Variants in FBXO31 observed in about 807,000 individuals in gnomAD.
FBXO31 encodes F-box only protein 31.
In FBXO31, 24 loss-of-function variants were observed where a neutral mutation model predicts 54.4. The observed-to-expected ratio is 0.44, with a 90% confidence interval of 0.32 to 0.62. The LOEUF (loss-of-function observed/expected upper bound fraction) is 0.62. Among genes scored for constraint, FBXO31 ranks in the 20% least tolerant of loss-of-function variants. The pLI, the probability that FBXO31 is intolerant of heterozygous loss-of-function variation, is 0.05. For synonymous variants in FBXO31, 388 were observed against 335.6 expected, an observed-to-expected ratio of 1.16 and a Z score of -1.71; for missense variants, 665 against 787.1, an observed-to-expected ratio of 0.84 and a Z score of 1.86.
At chr16:87,368,934 G>A (rs1046188137) in intron 1 of FBXO31, among the ~76,000 whole-genome samples, 1 of 151,930 alleles carries the variant, frequency 6.6e-6, no homozygotes, top group African/African-American at 2.4e-5. Context: ...CAAGTAGCTG[G>A]GATTACACGT....
At chr16:87,378,128 C>T (rs1353215969) in intron 1 of FBXO31, among the ~76,000 whole-genome samples, 2 of 150,704 alleles carry the variant, frequency 1.3e-5, no homozygotes, top group Non-Finnish European at 2.9e-5. Context: ...CATTGCACTA[C>T]AGCCTGGGCA....
rs186631105 is a variant in FBXO31 at position 87,336,839 on chromosome 16, G to A, written c.733-575C>T. On this transcript the variant is annotated intron_variant, in intron 5 of 8. Transcript: ENST00000311635. This position sits in a 1 kb window ranked among gnomAD's most constrained non-coding sequence, Gnocchi z 6.5. ...AAAAACTCCGCAGCCCCACCAGTCC[G>A]CCCTGCATTCTGCCATCACATGGTG... 6.7e-4 allele frequency among the ~76,000 whole-genome samples: 102 copies of A among 152,312 alleles called. No individual in the cohort carries two copies. The highest frequency in any genetic ancestry group is 2.8e-3 in the Admixed American group (43 of 15,306).
At chr16:87,360,245 T>A (rs1421508945) in intron 2 of FBXO31, 50 bp downstream of exon 2, 1 of 1,532,272 alleles carries the variant, frequency 6.5e-7, no homozygotes, top group South Asian at 1.1e-5. Flanking sequence ...GTGCACTGTC[T>A]GCTTCTGGTA....
chr16:87,366,947 G>C (rs1906395028), intron 1 of FBXO31: 1 of 152,278 alleles, frequency 6.6e-6, no homozygotes, highest in Non-Finnish European at 1.5e-5. Context: ...GGAGGCCAAG[G>C]CAGAAGGCTT....
Position 87,383,443 on chromosome 16 carries a change from A to T in FBXO31, c.302T>A (p.Leu101His). The T allele has an allele frequency of 6.4e-7, 1 of 1,572,088 alleles. No homozygotes were observed. The highest frequency in any genetic ancestry group is 8.6e-7 in the Non-Finnish European group (1 of 1,162,146). ...AQVCTKFRRI[L>H]HTDTIWRRRC... ...CCTCCTCCAGATGGTGTCGGTGTGGAGGATGCGCCGGAACTTCGTGCAGAC... is the reference window on the plus strand; with the variant it reads ...CCTCCTCCAGATGGTGTCGGTGTGGTGGATGCGCCGGAACTTCGTGCAGAC... Residue 101 changes from leucine to histidine, a missense_variant, in exon 1 of 9, where the codon CTC becomes CAC. Coordinates refer to ENST00000311635, the MANE Select transcript of FBXO31 (RefSeq NM_024735.5). The surrounding 1 kb of genome is among the most constrained non-coding windows in gnomAD (Gnocchi z 4.9).
At chr16:87,375,199 G>A (rs1906771268) in intron 1 of FBXO31, among the ~76,000 whole-genome samples, 1 of 152,170 alleles carries the variant, frequency 6.6e-6, no homozygotes. Flanking sequence ...CCACCTACTT[G>A]GAGAGGCTGA....
At position 87,336,160 on chromosome 16, in the gene FBXO31, C is replaced by T. The variant is rs771327786; in HGVS notation, c.837G>A (p.Gln279=). Residue 279 remains glutamine (Q), a synonymous_variant, in exon 6 of 9, where the codon CAG becomes CAA. Transcript: ENST00000311635. This position sits in a 1 kb window ranked among gnomAD's most constrained non-coding sequence, Gnocchi z 6.5. ...LILMKFIYTS[Q]YDNCLTYRRI... The stretch of plus-strand genomic sequence containing the variant: ...CGAGCAGGAGCCGCACTCACTCGTA[C>T]TGACTGGTGTAGATGAACTTCATCA... The T allele has an allele frequency of 6.2e-7, 1 of 1,613,844 alleles. No individual in the cohort carries two copies.
At chr16:87,366,456 G>A (rs968893391) in intron 1 of FBXO31, among the ~76,000 whole-genome samples, 7 of 152,152 alleles carry the variant, frequency 4.6e-5, no homozygotes, top group African/African-American at 9.6e-5. Context: ...TGAAGAGAGC[G>A]GGCAAGATCA....
At chr16:87,357,327 CTTTTTT>C (rs34678078) in intron 2 of FBXO31, among the ~76,000 whole-genome samples, 1 of 123,406 alleles carries the variant, frequency 8.1e-6, no homozygotes, top group Non-Finnish European at 1.7e-5. Flanking sequence ...GAATTCGGTT[CTTTTTT>C]TTTTTTTTTT....
chr16:87,360,527 C>T (rs1906087472), intron 1 of FBXO31, 161 bp from the exon 2 acceptor site: 3 of 640,154 alleles, frequency 4.7e-6, no homozygotes, highest in South Asian at 1.8e-5. Flanking sequence ...TCTCCACATT[C>T]AGTAAACACC....
rs546251863 is a variant in FBXO31, at chr16:87,345,791, C to G, written c.489+1383G>C. On this transcript the variant is annotated intron_variant, in intron 3 of 8. Transcript: ENST00000311635. The surrounding 1 kb of genome is among the most constrained non-coding windows in gnomAD (Gnocchi z 4.9). ...AGGCGAGGGGCAGGGCCTTCTCCCC[C>G]CTTCCTGAGGCCACTGACCACTGGC... 7.2e-5 allele frequency among the ~76,000 whole-genome samples: 11 copies of G among 152,328 alleles called. No homozygotes were observed. The highest frequency in any genetic ancestry group is 1.2e-4 in the African/African-American group (5 of 41,566).
In FBXO31 at chr16:87,383,467, A is replaced by G. The variant is rs1457888028; in HGVS notation, c.278T>C (p.Val93Ala). The part of the protein sequence containing the change: ...PGTDLPSLAQ[V>A]CTKFRRILHT... ...GAGGATGCGCCGGAACTTCGTGCAG[A>G]CCTGGGCCAAGCTGGGTAGGTCCGT... The change falls in exon 1 of 9, where the codon GTC becomes GCC. Residue 93 changes from valine (V) to alanine (A), a missense_variant. Val to Ala is a moderately conservative substitution (Grantham distance 64). Coordinates refer to ENST00000311635, the MANE Select transcript of FBXO31 (RefSeq NM_024735.5). The surrounding 1 kb of genome is among the most constrained non-coding windows in gnomAD (Gnocchi z 4.9). 6.3e-7 allele frequency: 1 copy of G among 1,592,372 alleles called. No homozygotes were observed. Among genetic ancestry groups the G allele is most frequent in the Non-Finnish European group, 8.5e-7 (1 of 1,172,764 alleles).
rs1907158452 is a variant in FBXO31 at position 87,383,135 on chromosome 16, C to G, written c.340+270G>C. The stretch of plus-strand genomic sequence containing the variant: ...GCCCCGCGTCAGGGCCTCTTCGATG[C>G]CTCCCTGACGCCCTCAACCCCTCCC... On this transcript the variant is annotated intron_variant, in intron 1 of 8. Coordinates refer to ENST00000311635, the MANE Select transcript of FBXO31 (RefSeq NM_024735.5). This position sits in a 1 kb window ranked among gnomAD's most constrained non-coding sequence, Gnocchi z 4.9. 6.6e-6 allele frequency among the ~76,000 whole-genome samples: 1 copy of G among 152,120 alleles called. No homozygotes were observed. The highest frequency in any genetic ancestry group is 1.5e-5 in the Non-Finnish European group (1 of 67,968).
chr16:87,376,097 C>A (rs1227390468), intron 1 of FBXO31, among the ~76,000 whole-genome samples: 4 of 152,128 alleles, frequency 2.6e-5, no homozygotes, highest in Non-Finnish European at 5.9e-5. Flanking sequence ...CCTCCACTGC[C>A]ACAGCATCCT....
upstream of FBXO31, among the ~76,000 whole-genome samples, chr16:87,387,532 A>C (rs558602001): frequency 1.3e-3 from 203 of 152,084 alleles, 1 homozygote; most frequent in Non-Finnish European, 2.0e-3. Flanking sequence ...TTAACTGGGC[A>C]GGGCGCGGTG....
At chr16:87,333,684 G>C (rs1234648102) in intron 8 of FBXO31, among the ~76,000 whole-genome samples, 2 of 152,162 alleles carry the variant, frequency 1.3e-5, no homozygotes, top group East Asian at 3.9e-4. Flanking sequence ...CCTCCAAGAC[G>C]GGACCCAGCT....
intron 5 of FBXO31, among the ~76,000 whole-genome samples, chr16:87,337,120 C>T (rs72804091): frequency 0.011 from 1,681 of 152,328 alleles, 12 homozygotes; most frequent in Non-Finnish European, 0.019. Context: ...ATGGTCAACA[C>T]AGAAGCCACC....
chr16:87,383,635 G>A lies in FBXO31; in HGVS notation c.110C>T (p.Thr37Ile). ...ETAAADSEPD[T>I]DPEEERIEAS... ...CTCGATGCGCTCCTCCTCGGGGTCT[G>A]TGTCCGGCTCGCTGTCGGCCGCCGC... The change falls in exon 1 of 9, where the codon ACA becomes ATA. Residue 37 changes from threonine (T) to isoleucine (I), a missense_variant. Physicochemically the swap from Thr to Ile is moderately conservative, Grantham distance 89. Around this residue, in one of 4 missense-constraint regions of FBXO31, gnomAD observed 195 missense variants for 174.8 expected, o/e 1.12. Coordinates refer to ENST00000311635, the MANE Select transcript of FBXO31 (RefSeq NM_024735.5). The surrounding 1 kb of genome is among the most constrained non-coding windows in gnomAD (Gnocchi z 4.9). 7.2e-7 allele frequency: 1 copy of A among 1,388,774 alleles called. No individual in the cohort carries two copies. The highest frequency in any genetic ancestry group is 9.3e-7 in the Non-Finnish European group (1 of 1,074,432). 86.0% of individuals were successfully genotyped at this position (1,388,774 alleles called of 1,614,324 possible). A position where few individuals can be genotyped will look rare whatever the true frequency, so the allele number is the denominator to read the frequency against.
chr16:87,370,137 T>TTAC (rs1300982526), intron 1 of FBXO31, among the ~76,000 whole-genome samples: 2 of 152,174 alleles, frequency 1.3e-5, no homozygotes, highest in African/African-American at 4.8e-5. Flanking sequence ...GGAAGAGCCC[T>TTAC]TACTGTCCCC....
Sources: allele counts gnomAD v4.1 joint callset (sites outside exome capture counted in the v4.1 genomes callset), GRCh38; gene constraint gnomAD v4.1.1; regional missense constraint gnomAD v4.1.1; non-coding constraint Gnocchi (gnomAD v3.1); transcripts MANE v1.5; gene names NCBI Gene and HGNC (gene_info 2026-07-23, HGNC 2026-07-21).